KCNAB2: variants seen among roughly 807,000 people sequenced by gnomAD.
KCNAB2 encodes potassium voltage-gated channel subfamily A regulatory beta subunit 2.
Under a neutral mutation model 63.6 loss-of-function variants are expected in KCNAB2, and 29 were observed. The ratio of observed to expected loss-of-function variants is 0.46; its 90% CI spans 0.34 to 0.62. KCNAB2 has a LOEUF of 0.62. Ranked by LOEUF, KCNAB2 falls within the 20% of genes least tolerant of loss-of-function variation. The probability of loss-of-function intolerance (pLI) is 0.01; values close to 1 mark genes in which losing one functional copy is unlikely to be tolerated. For synonymous variants in KCNAB2, 222 were observed against 224.2 expected, an observed-to-expected ratio of 0.99 and a Z score of 0.09; for missense variants, 359 against 563.9, an observed-to-expected ratio of 0.64 and a Z score of 3.68.
At position 6,086,411 on chromosome 1, in the gene KCNAB2, T is replaced by G. The variant is rs1450647540; in HGVS notation, c.426-1056T>G. The G allele has an allele frequency of 3.1e-6, 3 of 982,082 alleles. No individual in the cohort carries two copies. The highest frequency in any genetic ancestry group is 3.5e-5 in the African/African-American group (2 of 57,152). 60.8% of individuals were successfully genotyped at this position (982,082 alleles called of 1,614,324 possible). On this transcript the variant is annotated intron_variant, in intron 6 of 15. Coordinates refer to ENST00000378083, the MANE Select transcript of KCNAB2 (RefSeq NM_001199862.2). This position sits in a 1 kb window ranked among gnomAD's most constrained non-coding sequence, Gnocchi z 4.2. Reference sequence around the variant, plus strand: ...CTTTGGCGAATGTGCATGGAGGTGGTGTGGGGTGATCCCCCTTCCTGGAGG... The same window carrying G: ...CTTTGGCGAATGTGCATGGAGGTGGGGTGGGGTGATCCCCCTTCCTGGAGG...
intron 2 of KCNAB2, among the ~76,000 whole-genome samples, chr1:6,072,126 G>A (rs1056384187): frequency 6.6e-6 from 1 of 152,220 alleles, no homozygotes; most frequent in African/African-American, 2.4e-5. Context: ...CAGTGGCCCC[G>A]GGAAGGAGCC....
chr1:6,076,637 C>T (rs1663688939), intron 4 of KCNAB2, among the ~76,000 whole-genome samples: 1 of 152,204 alleles, frequency 6.6e-6, no homozygotes, highest in Non-Finnish European at 1.5e-5. Flanking sequence ...TGGCCTCTGG[C>T]CACAGGGGGT....
chr1:6,049,681 G>A (rs920492133), intron 1 of KCNAB2, among the ~76,000 whole-genome samples: 2 of 152,184 alleles, frequency 1.3e-5, no homozygotes, highest in Admixed American at 1.3e-4. Context: ...GGGGCTCCTC[G>A]GGGGCTCCTT....
rs376712473 is a variant in KCNAB2 at position 6,091,546 on chromosome 1, C to G, written c.646+239C>G. 6.6e-5 allele frequency among the ~76,000 whole-genome samples: 10 copies of G among 152,236 alleles called. No individual in the cohort carries two copies. In the East Asian group the frequency reaches 1.2e-3, roughly 18 times the overall value. On this transcript the variant is annotated intron_variant, in intron 10 of 15. Transcript: ENST00000378083. ...CCTCCTTCCTCCCGTGCATGGCCCC[C>G]ACCCCTGGGCTTGCACTGCTGAGCT...
chr1:6,080,927 C>T (rs1171681859), intron 4 of KCNAB2, among the ~76,000 whole-genome samples: 1 of 152,322 alleles, frequency 6.6e-6, no homozygotes, highest in Non-Finnish European at 1.5e-5. Flanking sequence ...ATTCACCCCA[C>T]GCTGGGCTTG....
At chr1:6,088,895 C>A in intron 7 of KCNAB2, 113 bp from the exon 8 acceptor site, 3 of 995,602 alleles carry the variant, frequency 3.0e-6, no homozygotes, top group Non-Finnish European at 1.5e-6. Flanking sequence ...CGACTCCACA[C>A]GGCATTTGCT....
intron 1 of KCNAB2, among the ~76,000 whole-genome samples, chr1:6,039,662 G>T (rs1484223581): frequency 1.3e-5 from 2 of 152,186 alleles, no homozygotes; most frequent in Non-Finnish European, 2.9e-5. Context: ...TGCAGTCGAG[G>T]TTCTTGCCGG....
At chr1:6,059,863 G>A (rs906345776) in intron 2 of KCNAB2, among the ~76,000 whole-genome samples, 11 of 152,226 alleles carry the variant, frequency 7.2e-5, no homozygotes, top group Admixed American at 1.3e-4. Flanking sequence ...GCCGGTTCCC[G>A]GGAAGCACAC....
Position 6,045,908 on chromosome 1 carries a change from A to G in KCNAB2, c.-302A>G. The G allele has an allele frequency of 1.0e-6, 1 of 985,484 alleles. No individual in the cohort carries two copies. Among genetic ancestry groups the G allele is most frequent in the South Asian group, 4.7e-5 (1 of 21,282 alleles). The allele number at this position is 985,484 out of a possible 1,614,324, so 61.0% of individuals were successfully genotyped here. A position where few individuals can be genotyped will look rare whatever the true frequency, so the allele number is the denominator to read the frequency against. ...CCGGGAGTCAGCCTTGCCAGGTTGC[A>G]GCACGGAACTGCACTTCCCGAGCTT... On this transcript the variant is annotated 5_prime_UTR_variant, in exon 1 of 16. Transcript: ENST00000378083. The surrounding 1 kb of genome is among the most constrained non-coding windows in gnomAD (Gnocchi z 4.8).
In KCNAB2 at chr1:6,071,446, C is replaced by G. The variant is rs1192598004; in HGVS notation, c.219-1309C>G. Among the ~76,000 whole-genome samples the G allele has an allele frequency of 6.6e-6, 1 of 152,218 alleles. No individual in the cohort carries two copies. The highest frequency in any genetic ancestry group is 2.4e-5 in the African/African-American group (1 of 41,466). On this transcript the variant is annotated intron_variant, in intron 2 of 15. Transcript: ENST00000378083. The surrounding 1 kb of genome is among the most constrained non-coding windows in gnomAD (Gnocchi z 8.5). ...GGCCTGGCTGCAGCTGTGAGATCCACCCGGCCACTTGTCAACCTCACCATC... is the reference window on the plus strand; with the variant it reads ...GGCCTGGCTGCAGCTGTGAGATCCAGCCGGCCACTTGTCAACCTCACCATC...
chr1:5,996,770 T>C (rs1451495419), intron 1 of KCNAB2, among the ~76,000 whole-genome samples: 1 of 152,238 alleles, frequency 6.6e-6, no homozygotes, highest in Non-Finnish European at 1.5e-5. Context: ...TTCCTGGCTG[T>C]GATCTTGAGC....
chr1:6,037,054 G>C (rs979423291), intron 1 of KCNAB2, among the ~76,000 whole-genome samples: 6 of 152,150 alleles, frequency 3.9e-5, no homozygotes, highest in Non-Finnish European at 8.8e-5. Flanking sequence ...GGCTGGCTCT[G>C]GCCTGCTTAG....
rs760594515 is a variant in KCNAB2 at position 6,071,534 on chromosome 1, C to T, written c.219-1221C>T. Among the ~76,000 whole-genome samples, 2 of 152,192 alleles carry T rather than the reference C, an allele frequency of 1.3e-5. No individual in the cohort carries two copies. The highest frequency in any genetic ancestry group is 1.3e-4 in the Admixed American group (2 of 15,288). Reference sequence around the variant, plus strand: ...GGATGCATGCCACCATGGTGGGGAACGTGAGCTGGCAGCCAACTGCCTGGG... The same window carrying T: ...GGATGCATGCCACCATGGTGGGGAATGTGAGCTGGCAGCCAACTGCCTGGG... On this transcript the variant is annotated intron_variant, in intron 2 of 15. Transcript: ENST00000378083. This position sits in a 1 kb window ranked among gnomAD's most constrained non-coding sequence, Gnocchi z 8.5.
chr1:6,064,427 G>A (rs1283405335), intron 2 of KCNAB2, among the ~76,000 whole-genome samples: 1 of 152,196 alleles, frequency 6.6e-6, no homozygotes, highest in East Asian at 1.9e-4. Flanking sequence ...GGGGGCTGTT[G>A]AAAAATTCTG....
rs746585346 is a variant in KCNAB2 at position 5,994,426 on chromosome 1, C to A, written c.-53+1638C>A. Among the ~76,000 whole-genome samples the A allele has an allele frequency of 1.6e-4, 24 of 152,240 alleles. No homozygotes were observed. The highest frequency in any genetic ancestry group is 2.9e-4 in the Non-Finnish European group (20 of 68,040). On this transcript the variant is annotated intron_variant, in intron 1 of 16. Transcript: ENST00000341524. This position sits in a 1 kb window ranked among gnomAD's most constrained non-coding sequence, Gnocchi z 5.4. ...TTGGTCCTCCAGGTCCTGTCATTGT[C>A]TCCACGGCCACACTCGGCCTCAGTG...
Position 6,072,735 on chromosome 1 carries a change from A to C in KCNAB2, c.219-20A>C. The C allele has an allele frequency of 6.2e-7, 1 of 1,613,514 alleles. No homozygotes were observed. Among genetic ancestry groups the C allele is most frequent in the South Asian group, 1.1e-5 (1 of 91,018 alleles). ...GGTCCTGCCTGGGTGCTGAGAACTC[A>C]CGTGGCGTTTGTTTTTCAGGAACCT... On this transcript the variant is annotated intron_variant, in intron 2 of 15. Transcript: ENST00000378083.
chr1:6,089,467 G>A (rs1344241303), intron 8 of KCNAB2, among the ~76,000 whole-genome samples: 12 of 152,238 alleles, frequency 7.9e-5, no homozygotes. Context: ...CGCAGGCACC[G>A]GAGCAAGGCA....
At chr1:6,040,313 A>C (rs1056075570) in intron 1 of KCNAB2, among the ~76,000 whole-genome samples, 2 of 152,060 alleles carry the variant, frequency 1.3e-5, no homozygotes, top group African/African-American at 2.4e-5. Flanking sequence ...CCTGCTCTCC[A>C]GCCCCTCCTG....
chr1:6,018,030 A>C (rs1274550986), intron 1 of KCNAB2, among the ~76,000 whole-genome samples: 2 of 152,176 alleles, frequency 1.3e-5, no homozygotes, highest in Non-Finnish European at 2.9e-5. Context: ...TTCCCACCTG[A>C]GCCTTGCAAG....
Sources: allele counts gnomAD v4.1 joint callset (sites outside exome capture counted in the v4.1 genomes callset), GRCh38; gene constraint gnomAD v4.1.1; non-coding constraint Gnocchi (gnomAD v3.1); transcripts MANE v1.5; gene names NCBI Gene and HGNC (gene_info 2026-07-23, HGNC 2026-07-21).